Variants in B4GALNT2 observed in about 807,000 individuals in gnomAD.
The protein encoded by B4GALNT2 is beta-1,4-N-acetyl-galactosaminyltransferase 2 (SID blood group), also known as N-acetylneuraminylgalactosylglucosyl-glucoside beta-1,4-N- acetylgalactosaminyltransferase 2.
B4GALNT2 carries 42 observed loss-of-function variants against 51.1 expected under a neutral mutation model. That is an observed-to-expected ratio of 0.82 (90% CI 0.64 to 1.06). The LOEUF (loss-of-function observed/expected upper bound fraction) is 1.06, where lower values mean the gene tolerates loss of function less well. B4GALNT2 is among the 50% of genes least tolerant of loss of function. The pLI is 0.00. For missense variants in B4GALNT2, 602 were observed against 633.6 expected (o/e 0.95, Z 0.54); for synonymous variants, 253 against 251.7 (o/e 1.01, Z -0.05).
At chr17:49,146,046 T>TAGTG (rs1357815010) in intron 3 of B4GALNT2, among the ~76,000 whole-genome samples, 3 of 151,910 alleles carry the variant, frequency 2.0e-5, no homozygotes, top group African/African-American at 4.8e-5. Flanking sequence ...TGATGGTGAG[T>TAGTG]AGTGCTACTT....
At chr17:49,166,044 T>C (rs2042907977) in intron 8 of B4GALNT2, 70 bp from the exon 9 acceptor site, 1 of 1,527,242 alleles carries the variant, frequency 6.5e-7, no homozygotes, top group East Asian at 2.3e-5. Context: ...GTTGGGAATT[T>C]AGAAAGCTCC....
rs1215413741 is a variant in B4GALNT2, at chr17:49,164,260, T to C, written c.939T>C (p.Thr313=). The change falls in exon 8 of 11, where the codon ACT becomes ACC. Residue 313 remains threonine (T), a synonymous_variant. Coordinates refer to ENST00000393354, the MANE Select transcript of B4GALNT2 (RefSeq NM_001159387.2). ...AAGACAATCACGTGGAGTATTACAC[T>C]ATGCCCTTTGGGAAGGTATGTCCCT... is the stretch of plus-strand genomic sequence containing the variant. ...EIKDNHVEYY[T]MPFGKGWFAG... 1 of 1,612,390 alleles carries C rather than the reference T, an allele frequency of 6.2e-7. No individual in the cohort carries two copies. The highest frequency in any genetic ancestry group is 1.7e-5 in the Admixed American group (1 of 60,002).
chr17:49,169,848 G>A lies in B4GALNT2; in HGVS notation c.*120G>A. 2.0e-6 allele frequency: 2 copies of A among 982,698 alleles called. No homozygotes were observed. Among genetic ancestry groups the A allele is most frequent in the Non-Finnish European group, 2.9e-6 (2 of 695,440 alleles). 60.9% of individuals were successfully genotyped at this position (982,698 alleles called of 1,614,324 possible). ...CAAACCAGCTGGTGGGTAGGGAAAA[G>A]GGAAATGGCTCAGTTACTGGAAGTA... is the stretch of plus-strand genomic sequence containing the variant. On this transcript the variant is annotated 3_prime_UTR_variant, in exon 11 of 11. Coordinates refer to ENST00000393354, the MANE Select transcript of B4GALNT2 (RefSeq NM_001159387.2).
In B4GALNT2 at chr17:49,142,078, CA is replaced by C. The variant is rs1382425491; in HGVS notation, c.260del (p.Gln87ArgfsTer18). The C allele has an allele frequency of 6.2e-7, 1 of 1,614,164 alleles. No individual in the cohort carries two copies. The highest frequency in any genetic ancestry group is 2.2e-5 in the East Asian group (1 of 44,878). ...NQCKCEANKEQGGYNFQDAYG... is the reference protein window; with the variant it reads ...NQCKCEANKEXGGYNFQDAYG... ...GTGCAAATGTGAAGCCAACAAAGAG[CA>C]GGGAGGTTACAACTTTCAGGATGCC... is the stretch of plus-strand genomic sequence containing the variant. On this transcript the variant is annotated frameshift_variant, in exon 3 of 11. Coordinates refer to ENST00000393354, the MANE Select transcript of B4GALNT2 (RefSeq NM_001159387.2). LOFTEE classifies it high-confidence loss of function.
At chr17:49,143,309 C>CAAAAAAAAA (rs1351318191) in intron 3 of B4GALNT2, among the ~76,000 whole-genome samples, 2 of 151,620 alleles carry the variant, frequency 1.3e-5, no homozygotes, top group Non-Finnish European at 2.9e-5. Flanking sequence ...AACAAAAAAA[C>CAAAAAAAAA]AAAAAACAAG....
chr17:49,150,210 C>G lies in B4GALNT2; in HGVS notation c.354-2590C>G, dbSNP rs1473820681. ...CCGGGAGGGAGGTGGGGGGGTCAGC[C>G]CCCCGCCCGGCCAGCCGCCCCGTCC... is the stretch of plus-strand genomic sequence containing the variant. On this transcript the variant is annotated intron_variant, in intron 3 of 10. Coordinates refer to ENST00000393354, the MANE Select transcript of B4GALNT2 (RefSeq NM_001159387.2). Among the ~76,000 whole-genome samples, 78 of 136,150 alleles carry G rather than the reference C, an allele frequency of 5.7e-4. 1 individual carries two copies. The highest frequency in any genetic ancestry group is 2.1e-3 in the African/African-American group (74 of 35,222). The allele number at this position is 136,150 out of a possible 152,430, so 89.3% of individuals were successfully genotyped here.
Position 49,169,012 on chromosome 17 carries a change from C to T in B4GALNT2, c.1315+112C>T, listed in dbSNP as rs946855243. The T allele has an allele frequency of 5.6e-6, 6 of 1,065,100 alleles. No individual in the cohort carries two copies. In the South Asian group the frequency reaches 9.5e-5, roughly 17 times the overall value. The allele number at this position is 1,065,100 out of a possible 1,614,324, so 66.0% of individuals were successfully genotyped here. A position where few individuals can be genotyped will look rare whatever the true frequency, so the allele number is the denominator to read the frequency against. ...CTGATCATAGTCGCTTGCCCAGTAG[C>T]AGTACATCCCTTTCCCCTTTCCCCT... On this transcript the variant is annotated intron_variant, in intron 10 of 10. Coordinates refer to ENST00000393354, the MANE Select transcript of B4GALNT2 (RefSeq NM_001159387.2).
chr17:49,166,407 T>C (rs1003785413), intron 9 of B4GALNT2, among the ~76,000 whole-genome samples, 153 bp downstream of exon 9: 2 of 151,998 alleles, frequency 1.3e-5, no homozygotes, highest in African/African-American at 2.4e-5. Context: ...AATAGGCCAG[T>C]GCAACCCAGG....
chr17:49,166,151 T>C lies in B4GALNT2; in HGVS notation c.992T>C (p.Val331Ala), dbSNP rs1242874727. 1.2e-6 allele frequency: 2 copies of C among 1,614,076 alleles called. No individual in the cohort carries two copies. The highest frequency in any genetic ancestry group is 1.7e-6 in the Non-Finnish European group (2 of 1,179,996). ...FAGRNLAISQ[V>A]TTKYVLWVDD... ...GGTAGGAACCTGGCCATATCTCAGG[T>C]CACCACCAAATACGTTCTCTGGGTG... The change falls in exon 9 of 11, where the codon GTC (valine) becomes GCC (alanine). Residue 331 changes from valine (V) to alanine (A), a missense_variant. Coordinates refer to ENST00000393354, the MANE Select transcript of B4GALNT2 (RefSeq NM_001159387.2).
upstream of B4GALNT2, among the ~76,000 whole-genome samples, chr17:49,127,641 A>ATTT (rs1567850505): frequency 7.2e-5 from 11 of 152,170 alleles, no homozygotes; most frequent in African/African-American, 2.4e-4. Flanking sequence ...AAGATTTAAA[A>ATTT]AAAAAAATTT....
rs1382072658 is a variant in B4GALNT2 at position 49,171,134 on chromosome 17, T to G, written c.*1406T>G. The G allele has an allele frequency of 4.7e-6, 1 of 212,218 alleles. No individual in the cohort carries two copies. The highest frequency in any genetic ancestry group is 9.5e-6 in the Non-Finnish European group (1 of 105,596). 13.1% of individuals were successfully genotyped at this position (212,218 alleles called of 1,614,324 possible). A position where few individuals can be genotyped will look rare whatever the true frequency, so the allele number is the denominator to read the frequency against. ...TTTTGGGGCCAGTTTATGGCCAGAT[T>G]TGGGGGCCTGTTCCCAACACGTTCC... On this transcript the variant is annotated 3_prime_UTR_variant, in exon 11 of 11. Coordinates refer to ENST00000393354, the MANE Select transcript of B4GALNT2 (RefSeq NM_001159387.2).
At chr17:49,147,391 T>C (rs1447447668) in intron 3 of B4GALNT2, among the ~76,000 whole-genome samples, 1 of 151,150 alleles carries the variant, frequency 6.6e-6, no homozygotes, top group Non-Finnish European at 1.5e-5. Context: ...TTTTTTTTTT[T>C]TGAGACAAGG....
the B4GALNT2 span, among the ~76,000 whole-genome samples, chr17:49,122,651 G>T: frequency 6.6e-6 from 1 of 152,154 alleles, no homozygotes; most frequent in Admixed American, 6.6e-5. Flanking sequence ...TTTTTCAGCA[G>T]TGTCTCTTAC....
chr17:49,164,791 G>C, intron 8 of B4GALNT2, among the ~76,000 whole-genome samples: 1 of 151,256 alleles, frequency 6.6e-6, no homozygotes, highest in African/African-American at 2.4e-5. Flanking sequence ...ATCACACCCA[G>C]CCTCTCATTT....
intron 8 of B4GALNT2, among the ~76,000 whole-genome samples, chr17:49,165,453 C>T (rs1302317204): frequency 1.7e-5 from 2 of 119,858 alleles, no homozygotes; most frequent in Admixed American, 8.2e-5. Flanking sequence ...CTCTCACTCC[C>T]CACTCTCTCT....
intron 4 of B4GALNT2, 24 bp from the exon 5 acceptor site, chr17:49,156,541 CT>C: frequency 6.2e-7 from 1 of 1,613,628 alleles, no homozygotes; most frequent in Non-Finnish European, 8.5e-7. Flanking sequence ...GAGCAGTTTT[CT>C]TTCCTTTTCC....
intron 7 of B4GALNT2, among the ~76,000 whole-genome samples, chr17:49,163,434 G>C (rs1327135687): frequency 9.2e-6 from 1 of 108,916 alleles, no homozygotes; most frequent in African/African-American, 3.7e-5. Flanking sequence ...CCTTAGATGG[G>C]CAAAGCTCTG....
chr17:49,162,439 A>G (rs2042873457), intron 7 of B4GALNT2, among the ~76,000 whole-genome samples: 1 of 152,204 alleles, frequency 6.6e-6, no homozygotes, highest in Non-Finnish European at 1.5e-5. Flanking sequence ...ACAGCATATC[A>G]ACTGTGGTTA....
chr17:49,154,842 T>C (rs973167072), intron 4 of B4GALNT2, among the ~76,000 whole-genome samples: 9 of 152,196 alleles, frequency 5.9e-5, no homozygotes, highest in Non-Finnish European at 1.3e-4. Context: ...GTTTAGTAAG[T>C]TATCAAAGGC....
Sources: allele counts gnomAD v4.1 joint callset (sites outside exome capture counted in the v4.1 genomes callset), GRCh38; gene constraint gnomAD v4.1.1; transcripts MANE v1.5; gene names NCBI Gene and HGNC (gene_info 2026-07-23, HGNC 2026-07-21).